Variants in SLC11A2 observed in about 807,000 individuals in gnomAD.
SLC11A2 encodes the protein natural resistance-associated macrophage protein 2.
In SLC11A2, 38 loss-of-function variants were observed where a neutral mutation model predicts 68.0. That is an observed-to-expected ratio of 0.56 (90% CI 0.43 to 0.73). The LOEUF (loss-of-function observed/expected upper bound fraction) is 0.73, where lower values mean the gene tolerates loss of function less well. SLC11A2 is among the 30% of genes least tolerant of loss of function. The pLI is 0.00. For missense variants in SLC11A2, 517 were observed against 690.5 expected, an observed-to-expected ratio of 0.75 and a Z score of 2.82; for synonymous variants, 242 against 250.6, an observed-to-expected ratio of 0.97 and a Z score of 0.32.
downstream of SLC11A2, chr12:50,979,913 C>T (rs1355642547): frequency 2.2e-6 from 1 of 454,078 alleles, no homozygotes; most frequent in East Asian, 6.9e-5. Context: ...GCTGACTCAA[C>T]ACCTTTGGGG....
chr12:50,997,310 G>A (rs1332655529), intron 8 of SLC11A2, among the ~76,000 whole-genome samples: 1 of 152,096 alleles, frequency 6.6e-6, no homozygotes, highest in East Asian at 1.9e-4. Context: ...AACATAAGGG[G>A]CTTACTATTA....
At chr12:51,009,592 T>C (rs1943037132) in intron 2 of SLC11A2, among the ~76,000 whole-genome samples, 1 of 152,156 alleles carries the variant, frequency 6.6e-6, no homozygotes, top group Non-Finnish European at 1.5e-5. Flanking sequence ...AATGAAGAAA[T>C]TTATAGAAAA....
intron 1 of SLC11A2, among the ~76,000 whole-genome samples, chr12:51,022,039 T>A (rs1408210358): frequency 6.6e-6 from 1 of 152,162 alleles, no homozygotes; most frequent in Non-Finnish European, 1.5e-5. Context: ...CTTCCAAATC[T>A]CCCTGAATGC....
chr12:50,999,491 G>A (rs1374976848), intron 6 of SLC11A2, 76 bp from the exon 7 acceptor site: 1 of 1,192,212 alleles, frequency 8.4e-7, no homozygotes, highest in Non-Finnish European at 1.3e-6. Context: ...CTTCCCAACA[G>A]CTCTCCAGAT....
chr12:50,960,053 T>C, the SLC11A2 span, among the ~76,000 whole-genome samples: 2 of 152,238 alleles, frequency 1.3e-5, no homozygotes, highest in African/African-American at 4.8e-5. Context: ...GTTCTTTGTT[T>C]CAGAGCCAGT....
chr12:50,978,414 TTC>T (rs1256882083), downstream of SLC11A2, among the ~76,000 whole-genome samples: 1 of 146,736 alleles, frequency 6.8e-6, no homozygotes, highest in African/African-American at 2.5e-5. Flanking sequence ...ACGTCGCATG[TTC>T]TCACTCATAG....
chr12:50,989,602 T>A (rs1940945515), intron 15 of SLC11A2, among the ~76,000 whole-genome samples: 1 of 152,222 alleles, frequency 6.6e-6, no homozygotes, highest in African/African-American at 2.4e-5. Flanking sequence ...CCCTAACTTC[T>A]ATAGTGAATT....
At chr12:50,966,587 T>C in the SLC11A2 span, among the ~76,000 whole-genome samples, 1 of 152,228 alleles carries the variant, frequency 6.6e-6, no homozygotes, top group Non-Finnish European at 1.5e-5. Context: ...AAACTGCCCC[T>C]GGTTGAGAAC....
chr12:50,986,700 G>A lies in SLC11A2; in HGVS notation c.*1625C>T, dbSNP rs537671498. 7.8e-7 allele frequency: 1 copy of A among 1,287,042 alleles called. No individual in the cohort carries two copies. The highest frequency in any genetic ancestry group is 1.5e-5 in the African/African-American group (1 of 65,898). The allele number at this position is 1,287,042 out of a possible 1,614,324, so 79.7% of individuals were successfully genotyped here. On this transcript the variant is annotated 3_prime_UTR_variant, in exon 16 of 16. Transcript: ENST00000262052. ...AGAATTACGATGGTAAGGGGAAGAGGCAGATATGAAGAGGAATGGTTAGGG... is the reference window on the plus strand; with the variant it reads ...AGAATTACGATGGTAAGGGGAAGAGACAGATATGAAGAGGAATGGTTAGGG...
intron 1 of SLC11A2, 85 bp downstream of exon 1, chr12:51,026,225 C>T: frequency 8.2e-7 from 1 of 1,224,076 alleles, no homozygotes. Flanking sequence ...GGAGCCTGAC[C>T]CCCGACACAG....
At chr12:51,015,162 T>A (rs1449327201) in intron 1 of SLC11A2, among the ~76,000 whole-genome samples, 2 of 134,980 alleles carry the variant, frequency 1.5e-5, no homozygotes, top group South Asian at 2.3e-4. Flanking sequence ...TCCGTCTCAT[T>A]AAAAAAAAAA....
chr12:51,008,286 A>G (rs1383323153), intron 3 of SLC11A2, 190 bp downstream of exon 3: 1 of 543,166 alleles, frequency 1.8e-6, no homozygotes, highest in African/African-American at 1.9e-5. Context: ...AGACAGAGAT[A>G]GATAGATATA....
chr12:51,002,543 A>C (rs1297173725), intron 5 of SLC11A2, among the ~76,000 whole-genome samples: 1 of 146,254 alleles, frequency 6.8e-6, no homozygotes, highest in African/African-American at 2.5e-5. Context: ...GGAAGCTGAG[A>C]CAGGAGAATC....
chr12:50,988,181 C>T lies in SLC11A2; in HGVS notation c.*144G>A. The T allele has an allele frequency of 8.4e-6, 13 of 1,542,206 alleles. No homozygotes were observed. The highest frequency in any genetic ancestry group is 1.1e-5 in the Non-Finnish European group (13 of 1,144,932). ...AAAATAATTCCATCTTTCAAATACA[C>T]ATGAAACAAAGTCTTTTCCAACCAA... is the stretch of plus-strand genomic sequence containing the variant. On this transcript the variant is annotated 3_prime_UTR_variant, in exon 16 of 16. Coordinates refer to ENST00000262052, the MANE Select transcript of SLC11A2 (RefSeq NM_000617.3).
At chr12:50,955,215 C>A in the SLC11A2 span, among the ~76,000 whole-genome samples, 4 of 152,138 alleles carry the variant, frequency 2.6e-5, no homozygotes, top group Non-Finnish European at 5.9e-5. Context: ...ATCACTTGAA[C>A]CCGGGAGGTA....
chr12:50,979,851 A>AATGCTGAAAGGGGAAAGTG (rs1418762051), downstream of SLC11A2: 1 of 454,118 alleles, frequency 2.2e-6, no homozygotes, highest in Admixed American at 2.3e-5. Context: ...TCATATATTT[A>AATGCTGAAAGGGGAAAGTG]ATGCTGAAAG....
chr12:50,987,952 A>G lies in SLC11A2; in HGVS notation c.*373T>C. 1 of 1,286,382 alleles carries G rather than the reference A, an allele frequency of 7.8e-7. No individual in the cohort carries two copies. The highest frequency in any genetic ancestry group is 1.0e-6 in the Non-Finnish European group (1 of 987,728). 79.7% of individuals were successfully genotyped at this position (1,286,382 alleles called of 1,614,324 possible). A position where few individuals can be genotyped will look rare whatever the true frequency, so the allele number is the denominator to read the frequency against. Reference sequence around the variant, plus strand: ...CTTGCATACTCATTCTGTAGTTTGTATAATAAAAAATGTATTGCATTTTCC... The same window carrying G: ...CTTGCATACTCATTCTGTAGTTTGTGTAATAAAAAATGTATTGCATTTTCC... On this transcript the variant is annotated 3_prime_UTR_variant, in exon 16 of 16. Coordinates refer to ENST00000262052, the MANE Select transcript of SLC11A2 (RefSeq NM_000617.3).
At chr12:50,967,546 G>A in the SLC11A2 span, among the ~76,000 whole-genome samples, 1 of 152,246 alleles carries the variant, frequency 6.6e-6, no homozygotes, top group South Asian at 2.1e-4. Context: ...AAAGTGCTGG[G>A]ATGACAGGTA....
upstream of SLC11A2, among the ~76,000 whole-genome samples, chr12:51,027,577 ACT>A: frequency 6.6e-6 from 1 of 151,644 alleles, no homozygotes; most frequent in South Asian, 2.1e-4. Flanking sequence ...AAGCAATCCC[ACT>A]CTATCGCCAG....
Sources: gnomAD v4.1 joint callset for allele counts (sites outside exome capture counted in the v4.1 genomes callset) on GRCh38, gnomAD v4.1.1 for gene constraint, MANE v1.5 for transcripts, NCBI Gene and HGNC (gene_info 2026-07-23, HGNC 2026-07-21) for gene names.